The following IL1RAPL2 variants were observed in gnomAD, a reference collection of about 807,000 sequenced individuals.
The protein encoded by IL1RAPL2 is X-linked interleukin-1 receptor accessory protein-like 2.
A neutral mutation model predicts 44.1 loss-of-function variants in IL1RAPL2; 3 were observed. The observed-to-expected ratio is 0.07, with a 90% CI of 0.03 to 0.18. IL1RAPL2 has a LOEUF of 0.18. Ranked by LOEUF, IL1RAPL2 falls within the 10% of genes least tolerant of loss-of-function variation. The pLI is 1.00. For synonymous variants in IL1RAPL2, 181 were observed against 178.8 expected, an observed-to-expected ratio of 1.01 and a Z score of -0.10; for missense variants, 391 against 496.4, an observed-to-expected ratio of 0.79 and a Z score of 2.02.
At chrX:105,036,006 T>C (rs1016484129) in intron 2 of IL1RAPL2, among the ~76,000 whole-genome samples, 5 of 111,875 alleles carry the variant, frequency 4.5e-5, no homozygotes, top group Non-Finnish European at 9.4e-5. Flanking sequence ...TCTCCCATAG[T>C]CTACATGGTT....
chrX:105,337,105 A>G (rs2147697023), intron 5 of IL1RAPL2, among the ~76,000 whole-genome samples: 1 of 112,234 alleles, frequency 8.9e-6, no homozygotes, highest in African/African-American at 3.2e-5. Flanking sequence ...AAATGAACAT[A>G]TACTCTCGAG....
chrX:104,980,413 A>C (rs1307822843), intron 2 of IL1RAPL2, among the ~76,000 whole-genome samples: 1 of 111,643 alleles, frequency 9.0e-6, no homozygotes, highest in Non-Finnish European at 1.9e-5. Context: ...TACTTTATGA[A>C]AATATTATTT....
intron 6 of IL1RAPL2, among the ~76,000 whole-genome samples, chrX:105,610,110 G>C (rs931375213): frequency 1.3e-4 from 14 of 111,327 alleles, no homozygotes; most frequent in Non-Finnish European, 1.1e-4. Context: ...ACCATCCGTA[G>C]GTGTAACAGC....
intron 2 of IL1RAPL2, among the ~76,000 whole-genome samples, chrX:104,678,334 G>A (rs1930825493): frequency 8.9e-6 from 1 of 112,000 alleles, no homozygotes; most frequent in African/African-American, 3.3e-5. Context: ...TTAAACCTAT[G>A]TAGAGTAAAT....
chrX:104,862,542 C>CA (rs1433417039), intron 2 of IL1RAPL2, among the ~76,000 whole-genome samples: 1 of 109,891 alleles, frequency 9.1e-6, no homozygotes, highest in Non-Finnish European at 1.9e-5. Flanking sequence ...ACCAACAAAC[C>CA]AAAAAAAGAA....
At chrX:105,597,703 C>T (rs959426008) in intron 6 of IL1RAPL2, among the ~76,000 whole-genome samples, 6 of 111,345 alleles carry the variant, frequency 5.4e-5, no homozygotes, top group Non-Finnish European at 9.4e-5. Context: ...CACCTCCCAC[C>T]AGACCCCACC....
chrX:105,597,117 C>T (rs1409795799), intron 6 of IL1RAPL2, among the ~76,000 whole-genome samples: 1 of 111,209 alleles, frequency 9.0e-6, no homozygotes, highest in Non-Finnish European at 1.9e-5. Context: ...AACACAATGG[C>T]AAAAACACAA....
At chrX:104,905,228 G>A (rs1198386908) in intron 2 of IL1RAPL2, among the ~76,000 whole-genome samples, 11 of 111,478 alleles carry the variant, frequency 9.9e-5, no homozygotes, top group African/African-American at 9.8e-5. Context: ...AGTAGGTTGC[G>A]AAAATTTTCT....
intron 2 of IL1RAPL2, among the ~76,000 whole-genome samples, chrX:105,151,362 T>G (rs962389073): frequency 9.0e-6 from 1 of 110,829 alleles, no homozygotes; most frequent in Admixed American, 9.7e-5. Context: ...GACTTGAGAG[T>G]TCTTTTAGTT....
At chrX:104,824,349 T>G (rs1252857612) in intron 2 of IL1RAPL2, among the ~76,000 whole-genome samples, 1 of 111,865 alleles carries the variant, frequency 8.9e-6, no homozygotes, top group Non-Finnish European at 1.9e-5. Flanking sequence ...TGAAATTTTG[T>G]TTTGTTTTGT....
At chrX:105,134,456 TAGTA>T (rs2033057186) in intron 2 of IL1RAPL2, among the ~76,000 whole-genome samples, 1 of 111,912 alleles carries the variant, frequency 8.9e-6, no homozygotes. Flanking sequence ...TCTACAGATA[TAGTA>T]AGTATCTCTC....
At chrX:105,708,178 C>A (rs1243188646) in intron 6 of IL1RAPL2, among the ~76,000 whole-genome samples, 1 of 111,348 alleles carries the variant, frequency 9.0e-6, no homozygotes, top group Non-Finnish European at 1.9e-5. Flanking sequence ...TTAAAGGATC[C>A]TTGTGGGATT....
chrX:105,392,112 T>A (rs770273000), intron 5 of IL1RAPL2, among the ~76,000 whole-genome samples: 152 of 107,926 alleles, frequency 1.4e-3, no homozygotes, highest in African/African-American at 4.2e-3. Context: ...AACCTGCATG[T>A]TGTGCACATG....
intron 2 of IL1RAPL2, among the ~76,000 whole-genome samples, chrX:104,674,048 G>A (rs1172352490): frequency 1.8e-5 from 2 of 111,342 alleles, no homozygotes; most frequent in Non-Finnish European, 3.8e-5. Flanking sequence ...CTGCAAACAG[G>A]GACAATTTGA....
chrX:104,947,677 C>T (rs1338379167), intron 2 of IL1RAPL2, among the ~76,000 whole-genome samples: 1 of 110,245 alleles, frequency 9.1e-6, no homozygotes, highest in Non-Finnish European at 1.9e-5. Context: ...ATAGGGAATC[C>T]TTTCCCCATT....
chrX:105,065,638 A>T (rs1312986773), intron 2 of IL1RAPL2, among the ~76,000 whole-genome samples: 1 of 112,033 alleles, frequency 8.9e-6, no homozygotes, highest in Non-Finnish European at 1.9e-5. Flanking sequence ...CGTACAAAAT[A>T]TTTTCAGTGT....
At chrX:104,970,093 T>C (rs1040580095) in intron 2 of IL1RAPL2, among the ~76,000 whole-genome samples, 6 of 111,143 alleles carry the variant, frequency 5.4e-5, no homozygotes, top group Non-Finnish European at 9.4e-5. Flanking sequence ...GAAATTCTTG[T>C]ACATTTACAC....
intron 2 of IL1RAPL2, among the ~76,000 whole-genome samples, chrX:105,112,177 A>G (rs1322472225): frequency 8.9e-6 from 1 of 112,371 alleles, no homozygotes; most frequent in Non-Finnish European, 1.9e-5. Flanking sequence ...GCAGCCTGGG[A>G]TAAGTTAAAT....
At chrX:104,904,769 G>A (rs1223748121) in intron 2 of IL1RAPL2, among the ~76,000 whole-genome samples, 1 of 109,734 alleles carries the variant, frequency 9.1e-6, no homozygotes, top group Admixed American at 9.7e-5. Flanking sequence ...ACATACATGT[G>A]CATGTGTCTT....
Sources: gnomAD v4.1 joint callset for allele counts (sites outside exome capture counted in the v4.1 genomes callset) on GRCh38, gnomAD v4.1.1 for gene constraint, MANE v1.5 for transcripts, NCBI Gene and HGNC (gene_info 2026-07-23, HGNC 2026-07-21) for gene names.